TLK2: variants seen among roughly 807,000 people sequenced by gnomAD.
The protein encoded by TLK2 is serine/threonine-protein kinase tousled-like 2.
In TLK2, 6 loss-of-function variants were observed where a neutral mutation model predicts 117.3. That is an observed-to-expected ratio of 0.05 (90% CI 0.03 to 0.10). The LOEUF is 0.10. Among genes scored for constraint, TLK2 ranks in the 10% least tolerant of loss-of-function variants. The probability of loss-of-function intolerance (pLI) is 1.00; values close to 1 mark genes in which losing one functional copy is unlikely to be tolerated. For synonymous variants in TLK2, 257 were observed against 316.7 expected (o/e 0.81, Z 2.00); for missense variants, 299 against 901.2 (o/e 0.33, Z 8.56).
chr17:62,481,089 T>A (rs780467453), intron 1 of TLK2, 32 bp from the exon 2 acceptor site: 1 of 1,609,608 alleles, frequency 6.2e-7, no homozygotes, highest in Non-Finnish European at 8.5e-7. Context: ...TTTTAGTGTT[T>A]ATGGTTTCAC....
intron 6 of TLK2, among the ~76,000 whole-genome samples, chr17:62,526,936 C>T (rs528795965): frequency 1.3e-4 from 20 of 152,302 alleles, no homozygotes; most frequent in African/African-American, 4.8e-4. Flanking sequence ...CTCGTCTGCT[C>T]AACACTTCCT....
At chr17:62,526,890 C>T (rs1373288135) in intron 6 of TLK2, among the ~76,000 whole-genome samples, 3 of 152,112 alleles carry the variant, frequency 2.0e-5, no homozygotes, top group African/African-American at 7.2e-5. Flanking sequence ...TGTAATAGCC[C>T]GAGTAATTGT....
chr17:62,543,630 C>T (rs1412348052), intron 7 of TLK2, among the ~76,000 whole-genome samples: 2 of 152,194 alleles, frequency 1.3e-5, no homozygotes, highest in Non-Finnish European at 2.9e-5. Flanking sequence ...GGCTTTTGTG[C>T]ATCTTCTTTG....
chr17:62,559,367 A>AT (rs563561365), intron 9 of TLK2, among the ~76,000 whole-genome samples: 7,219 of 148,110 alleles, frequency 0.049, 193 homozygotes, highest in Middle Eastern at 0.11. Flanking sequence ...ATTGTAGTTT[A>AT]TTTTTTTTTT....
intron 9 of TLK2, among the ~76,000 whole-genome samples, chr17:62,558,186 A>G (rs1170361238): frequency 6.6e-6 from 1 of 151,788 alleles, no homozygotes; most frequent in Non-Finnish European, 1.5e-5. Context: ...TTAAAAAAAA[A>G]GGACACAGTG....
chr17:62,599,315 C>T (rs1463811522), intron 17 of TLK2, among the ~76,000 whole-genome samples: 1 of 152,206 alleles, frequency 6.6e-6, no homozygotes, highest in Non-Finnish European at 1.5e-5. Flanking sequence ...GTCCACAGGA[C>T]CATGTGTGTC....
intron 6 of TLK2, among the ~76,000 whole-genome samples, chr17:62,535,244 A>G (rs944484110): frequency 6.6e-5 from 10 of 152,136 alleles, no homozygotes; most frequent in African/African-American, 9.7e-5. Flanking sequence ...GGTATCCAAC[A>G]GGAAGAATCT....
At position 62,613,842 on chromosome 17, in the gene TLK2, C is replaced by T. The variant is rs540820309; in HGVS notation, c.*1277C>T. The stretch of plus-strand genomic sequence containing the variant: ...ATAATCTGAAAAGAAATAGATATTT[C>T]AGGCCGGGCCTGGTGGTTCACGCCT... On this transcript the variant is annotated 3_prime_UTR_variant, in exon 22 of 22. Coordinates refer to ENST00000346027, the MANE Select transcript of TLK2 (RefSeq NM_006852.6). 3 of 152,184 alleles carry T rather than the reference C, an allele frequency of 2.0e-5. No individual in the cohort carries two copies. The highest frequency in any genetic ancestry group is 3.9e-4 in the East Asian group (2 of 5,180). 9.4% of individuals were successfully genotyped at this position (152,184 alleles called of 1,614,324 possible). A position where few individuals can be genotyped will look rare whatever the true frequency, so the allele number is the denominator to read the frequency against.
intron 17 of TLK2, chr17:62,597,254 A>T (rs1598848323): frequency 6.6e-6 from 1 of 152,350 alleles, no homozygotes; most frequent in East Asian, 1.9e-4. Flanking sequence ...GCATGGAATC[A>T]TATAGTATGT....
At chr17:62,503,905 T>G (rs2074438709) in intron 2 of TLK2, among the ~76,000 whole-genome samples, 1 of 151,894 alleles carries the variant, frequency 6.6e-6, no homozygotes, top group Non-Finnish European at 1.5e-5. Context: ...TTTTTTTTTT[T>G]GTATTTTTAG....
chr17:62,577,583 G>C (rs1376857951), intron 13 of TLK2, among the ~76,000 whole-genome samples: 2 of 152,310 alleles, frequency 1.3e-5, no homozygotes, highest in East Asian at 3.9e-4. Context: ...CTTAGATGTG[G>C]ATTACTCAGC....
chr17:62,606,707 T>C (rs1013834919), intron 20 of TLK2, among the ~76,000 whole-genome samples: 34 of 152,344 alleles, frequency 2.2e-4, no homozygotes, highest in African/African-American at 8.2e-4. Context: ...GGTGTCAGGA[T>C]GTATTCATTG....
At chr17:62,474,080 GTTAA>G (rs2070992332), upstream of TLK2, among the ~76,000 whole-genome samples, 1 of 151,476 alleles carries the variant, frequency 6.6e-6, no homozygotes, top group African/African-American at 2.4e-5. Flanking sequence ...ATTTTTTTTT[GTTAA>G]TTATTATTTT....
Position 62,593,670 on chromosome 17 carries a change from G to A in TLK2, c.1461-2915G>A, listed in dbSNP as rs144789317. 2.5e-3 allele frequency among the ~76,000 whole-genome samples: 381 copies of A among 151,512 alleles called. 2 individuals carry two copies. Among genetic ancestry groups the A allele is most frequent in the Middle Eastern group, 0.014 (4 of 288 alleles). ...GGAAGCTCTTCAGGGCCAATAACAT[G>A]CATGAAGCTTTCACCCCCATGATAA... On this transcript the variant is annotated intron_variant, in intron 16 of 21. Transcript: ENST00000346027.
chr17:62,579,325 A>G (rs1401241182), intron 14 of TLK2, among the ~76,000 whole-genome samples: 1 of 152,156 alleles, frequency 6.6e-6, no homozygotes, highest in Non-Finnish European at 1.5e-5. Flanking sequence ...TAATACATTA[A>G]TCAGAAAACA....
At chr17:62,487,141 A>G (rs546137082) in intron 2 of TLK2, among the ~76,000 whole-genome samples, 17 of 152,230 alleles carry the variant, frequency 1.1e-4, no homozygotes, top group African/African-American at 3.8e-4. Context: ...AAATACAAAA[A>G]ATAAGCCGGG....
rs567497684 is a variant in TLK2 at position 62,583,920 on chromosome 17, G to C, written c.1369-2215G>C. 4.6e-5 allele frequency among the ~76,000 whole-genome samples: 7 copies of C among 152,078 alleles called. No individual in the cohort carries two copies. The South Asian group carries it at 1.5e-3, about 32-fold the overall frequency. Reference sequence around the variant, plus strand: ...AAATCTAAATACTTCTTACAGTGATGTGTGCATTTAATGTAGTTTTTCTTT... The same window carrying C: ...AAATCTAAATACTTCTTACAGTGATCTGTGCATTTAATGTAGTTTTTCTTT... On this transcript the variant is annotated intron_variant, in intron 15 of 21. Coordinates refer to ENST00000346027, the MANE Select transcript of TLK2 (RefSeq NM_006852.6).
In TLK2 at chr17:62,520,761, T is replaced by C. The variant is rs745838778; in HGVS notation, c.82-12T>C. The C allele has an allele frequency of 1.1e-5, 17 of 1,610,258 alleles. No homozygotes were observed. The highest frequency in any genetic ancestry group is 1.4e-5 in the Non-Finnish European group (16 of 1,178,644). Reference sequence around the variant, plus strand: ...TTAAAATTTATTTATTTATGATTTTTTTTTCTTTCAGGGACCACTTAATAG... The same window carrying C: ...TTAAAATTTATTTATTTATGATTTTCTTTTCTTTCAGGGACCACTTAATAG... On this transcript the variant is annotated splice_polypyrimidine_tract_variant and intron_variant, in intron 2 of 21. Coordinates refer to ENST00000346027, the MANE Select transcript of TLK2 (RefSeq NM_006852.6).
chr17:62,560,074 A>G lies in TLK2; in HGVS notation c.779A>G (p.Lys260Arg). The G allele has an allele frequency of 1.2e-6, 2 of 1,612,272 alleles. No individual in the cohort carries two copies. The highest frequency in any genetic ancestry group is 1.7e-6 in the Non-Finnish European group (2 of 1,179,090). The change falls in exon 10 of 22, where the codon AAG (lysine) becomes AGG (arginine). Residue 260 changes from lysine to arginine, a missense_variant. Transcript: ENST00000346027. ...CAGCAAAAGATGCTAGAGAAATACA[A>G]GGAACGATTAAATAGATGTGTGACA... ...DEQQKMLEKY[K>R]ERLNRCVTMS...
Sources: allele counts gnomAD v4.1 joint callset (sites outside exome capture counted in the v4.1 genomes callset), GRCh38; gene constraint gnomAD v4.1.1; transcripts MANE v1.5; gene names NCBI Gene and HGNC (gene_info 2026-07-23, HGNC 2026-07-21).